TMED5: variants seen among roughly 807,000 people sequenced by gnomAD.
TMED5 encodes transmembrane emp24 domain-containing protein 5.
A neutral mutation model predicts 23.0 loss-of-function variants in TMED5; 27 were observed. The ratio of observed to expected loss-of-function variants is 1.17; its 90% CI spans 0.86 to 1.62. The LOEUF is 1.62. TMED5 is among the 40% of genes most tolerant of loss of function. The pLI, the probability that TMED5 is intolerant of heterozygous loss-of-function variation, is 0.00. For missense variants in TMED5, 248 were observed against 273.7 expected (o/e 0.91, Z 0.66); for synonymous variants, 97 against 100.8 (o/e 0.96, Z 0.23).
rs1279755460 is a variant in TMED5 at position 93,158,029 on chromosome 1, CAGG to C, written c.288-1549_288-1547del. Among the ~76,000 whole-genome samples the C allele has an allele frequency of 2.1e-5, 3 of 145,548 alleles. No individual in the cohort carries two copies. The Admixed American group carries it at 2.2e-4, about 11-fold the overall frequency. The stretch of plus-strand genomic sequence containing the variant: ...GTCCCAGCTACTCAGGAGGCCGAGG[CAGG>C]AGAATGGCGTGAACCCAGGAGGCGG... On this transcript the variant is annotated intron_variant, in intron 2 of 3. Coordinates refer to ENST00000370282, the MANE Select transcript of TMED5 (RefSeq NM_016040.5).
chr1:93,173,235 A>C (rs1265356183), intron 1 of TMED5, among the ~76,000 whole-genome samples: 1 of 152,248 alleles, frequency 6.6e-6, no homozygotes, highest in Non-Finnish European at 1.5e-5. Flanking sequence ...TAGGCAAGGC[A>C]ATGTTAATTA....
chr1:93,170,775 G>A (rs1209386838), intron 1 of TMED5, among the ~76,000 whole-genome samples: 1 of 152,138 alleles, frequency 6.6e-6, no homozygotes, highest in Non-Finnish European at 1.5e-5. Flanking sequence ...TCTAGCTCAG[G>A]GTTTGTAAAT....
chr1:93,179,839 G>C (rs1649213404), intron 1 of TMED5: 1 of 527,180 alleles, frequency 1.9e-6, no homozygotes, highest in African/African-American at 2.0e-5. Flanking sequence ...AAGGCGGGTA[G>C]TCATCAATTC....
intron 1 of TMED5, among the ~76,000 whole-genome samples, chr1:93,179,234 C>A (rs1649115060): frequency 6.6e-6 from 1 of 151,996 alleles, no homozygotes; most frequent in Non-Finnish European, 1.5e-5. Context: ...TGGTGGCGCA[C>A]GTCTGTAATC....
At chr1:93,176,067 A>G (rs1009061751) in intron 1 of TMED5, among the ~76,000 whole-genome samples, 5 of 152,214 alleles carry the variant, frequency 3.3e-5, no homozygotes, top group Non-Finnish European at 5.9e-5. Flanking sequence ...TAACCTGCTT[A>G]TAACTATTCA....
In TMED5 at chr1:93,180,080, T is replaced by A. The variant is rs1292076993; in HGVS notation, c.163A>T (p.Lys55Ter). ...TGGTACTCGATCTCCAGCGAGGCCT[T>A]CAGGGGCATGGGCTGGTAGAAGCAC... ...KECFYQPMPL[K>*]ASLEIEYQVL... is the part of the protein sequence containing the mutation. The change falls in exon 1 of 4, where the codon AAG (lysine) becomes TAG (stop). Residue 55 changes from lysine (K) to a stop codon, truncating the protein, a stop_gained. Transcript: ENST00000370282. LOFTEE classifies it high-confidence loss of function. 1 of 1,613,556 alleles carries A rather than the reference T, an allele frequency of 6.2e-7. No individual in the cohort carries two copies. The highest frequency in any genetic ancestry group is 8.5e-7 in the Non-Finnish European group (1 of 1,179,728).
chr1:93,150,051 A>G lies in TMED5; in HGVS notation c.*4619T>C, dbSNP rs750201381. The G allele has an allele frequency of 6.6e-6, 1 of 152,210 alleles. No homozygotes were observed. The highest frequency in any genetic ancestry group is 1.5e-5 in the Non-Finnish European group (1 of 68,040). The allele number at this position is 152,210 out of a possible 1,614,324, so 9.4% of individuals were successfully genotyped here. A position where few individuals can be genotyped will look rare whatever the true frequency, so the allele number is the denominator to read the frequency against. ...TAAATACTTCTAACATTTCACATGTATATTTATGTAATCACCACAATCAAA... is the reference window on the plus strand; with the variant it reads ...TAAATACTTCTAACATTTCACATGTGTATTTATGTAATCACCACAATCAAA... On this transcript the variant is annotated 3_prime_UTR_variant, in exon 4 of 4. Transcript: ENST00000370282.
chr1:93,163,665 A>C (rs1449953469), intron 1 of TMED5, among the ~76,000 whole-genome samples: 1 of 151,636 alleles, frequency 6.6e-6, no homozygotes, highest in East Asian at 2.0e-4. Flanking sequence ...TTAAAAATAC[A>C]AAATAAATAC....
chr1:93,153,309 A>G lies in TMED5; in HGVS notation c.*1361T>C, dbSNP rs1364417982. ...TTAGGTGTTTAAAACTTGGGAGTCT[A>G]TGTTTCTAATCCTTACTTCAACATC... On this transcript the variant is annotated 3_prime_UTR_variant, in exon 4 of 4. Transcript: ENST00000370282. 2.0e-5 allele frequency: 3 copies of G among 152,154 alleles called. No homozygotes were observed. The highest frequency in any genetic ancestry group is 4.4e-5 in the Non-Finnish European group (3 of 67,988). 9.4% of individuals were successfully genotyped at this position (152,154 alleles called of 1,614,324 possible).
intron 1 of TMED5, among the ~76,000 whole-genome samples, chr1:93,173,657 TAA>T (rs1389397845): frequency 3.2e-4 from 48 of 152,312 alleles, no homozygotes; most frequent in African/African-American, 1.1e-3. Context: ...TTCAATTCTT[TAA>T]GAAAAGTCAA....
intron 1 of TMED5, among the ~76,000 whole-genome samples, chr1:93,167,566 G>T (rs1648552467): frequency 6.6e-6 from 1 of 152,060 alleles, no homozygotes; most frequent in African/African-American, 2.4e-5. Flanking sequence ...TTCACTGTTG[G>T]CATACAGAAA....
chr1:93,166,620 T>C (rs1648518042), intron 1 of TMED5, among the ~76,000 whole-genome samples: 1 of 152,182 alleles, frequency 6.6e-6, no homozygotes, highest in African/African-American at 2.4e-5. Context: ...TAGATTTTTT[T>C]TCCTGTATAG....
intron 2 of TMED5, among the ~76,000 whole-genome samples, chr1:93,156,826 AAAG>A (rs1348844316): frequency 1.3e-5 from 2 of 150,968 alleles, no homozygotes; most frequent in Non-Finnish European, 3.0e-5. Flanking sequence ...AAAAAAAAAA[AAAG>A]AAACCAACAA....
rs1557584339 is a variant in TMED5 at position 93,180,368 on chromosome 1, C to G, written c.-126G>C. ...GTCTGAAGAAACTCCAGGTGGCGGC[C>G]GCGGCGGCGGCGAACACTCCCTCCG... On this transcript the variant is annotated 5_prime_UTR_variant, in exon 1 of 4. Coordinates refer to ENST00000370282, the MANE Select transcript of TMED5 (RefSeq NM_016040.5). 7.6e-7 allele frequency: 1 copy of G among 1,315,716 alleles called. No individual in the cohort carries two copies. The highest frequency in any genetic ancestry group is 1.0e-6 in the Non-Finnish European group (1 of 970,274). The allele number at this position is 1,315,716 out of a possible 1,614,324, so 81.5% of individuals were successfully genotyped here. A position where few individuals can be genotyped will look rare whatever the true frequency, so the allele number is the denominator to read the frequency against.
chr1:93,164,891 A>G (rs778055652), intron 1 of TMED5, among the ~76,000 whole-genome samples: 8 of 152,328 alleles, frequency 5.3e-5, no homozygotes, highest in Middle Eastern at 3.4e-3. Flanking sequence ...GTTACTAAAG[A>G]TTGTAACTTC....
chr1:93,180,363 G>A lies in TMED5; in HGVS notation c.-121C>T, dbSNP rs1405849362. On this transcript the variant is annotated 5_prime_UTR_variant, in exon 1 of 4. Transcript: ENST00000370282. ...CTGGAGTCTGAAGAAACTCCAGGTG[G>A]CGGCCGCGGCGGCGGCGAACACTCC... The A allele has an allele frequency of 1.5e-6, 2 of 1,311,934 alleles. No individual in the cohort carries two copies. The highest frequency in any genetic ancestry group is 1.0e-6 in the Non-Finnish European group (1 of 966,524). 81.3% of individuals were successfully genotyped at this position (1,311,934 alleles called of 1,614,324 possible). A position where few individuals can be genotyped will look rare whatever the true frequency, so the allele number is the denominator to read the frequency against.
chr1:93,164,495 A>G (rs552948296), intron 1 of TMED5, among the ~76,000 whole-genome samples: 1 of 152,304 alleles, frequency 6.6e-6, no homozygotes, highest in African/African-American at 2.4e-5. Context: ...AGAGATCACA[A>G]GAAAGCTTGT....
Position 93,154,813 on chromosome 1 carries a change from G to A in TMED5, c.547C>T (p.Arg183Cys). Residue 183 changes from arginine (R) to cysteine (C), a missense_variant, in exon 4 of 4, where the codon CGT becomes TGT. By Grantham distance (180) the Arg-to-Cys change is radical. Coordinates refer to ENST00000370282, the MANE Select transcript of TMED5 (RefSeq NM_016040.5). ...IQTLLRAFEARDRNIQESNFD... is the reference protein window; with the variant it reads ...IQTLLRAFEACDRNIQESNFD... ...TTGCTTTCTTGTATGTTTCGATCAC[G>A]AGCTTCAAATGCTCTAAGCAGAGTT... The A allele has an allele frequency of 1.2e-6, 2 of 1,614,058 alleles. No individual in the cohort carries two copies. The highest frequency in any genetic ancestry group is 1.7e-6 in the Non-Finnish European group (2 of 1,179,942).
intron 1 of TMED5, among the ~76,000 whole-genome samples, chr1:93,169,491 C>T (rs1181952889): frequency 6.6e-6 from 1 of 151,130 alleles, no homozygotes; most frequent in Admixed American, 6.6e-5. Context: ...TGTAGACATC[C>T]ACCTTAGGAA....
Sources: allele counts gnomAD v4.1 joint callset (sites outside exome capture counted in the v4.1 genomes callset), GRCh38; gene constraint gnomAD v4.1.1; transcripts MANE v1.5; gene names NCBI Gene and HGNC (gene_info 2026-07-23, HGNC 2026-07-21).